The following DIAPH2 variants were observed in gnomAD, a reference collection of about 807,000 sequenced individuals.
The protein encoded by DIAPH2 is diaphanous related formin 2.
Under a neutral mutation model 92.7 loss-of-function variants are expected in DIAPH2, and 35 were observed. That is an observed-to-expected ratio of 0.38 (90% CI 0.29 to 0.50). The LOEUF (loss-of-function observed/expected upper bound fraction) is 0.50, where lower values mean the gene tolerates loss of function less well. DIAPH2 is among the 20% of genes least tolerant of loss of function. The pLI is 0.94. For synonymous variants in DIAPH2, 301 were observed against 280.4 expected, an observed-to-expected ratio of 1.07 and a Z score of -0.73; for missense variants, 701 against 819.5, an observed-to-expected ratio of 0.86 and a Z score of 1.77.
chrX:97,094,941 C>G (rs1432449702), intron 19 of DIAPH2, among the ~76,000 whole-genome samples: 1 of 109,811 alleles, frequency 9.1e-6, no homozygotes, highest in Non-Finnish European at 1.9e-5. Flanking sequence ...GATTTAAGAA[C>G]AGTAAACACA....
chrX:97,233,054 G>A (rs1030977311), intron 22 of DIAPH2, among the ~76,000 whole-genome samples: 1 of 112,164 alleles, frequency 8.9e-6, no homozygotes, highest in African/African-American at 3.2e-5. Context: ...ATACGTCTTT[G>A]TATTTGGTTG....
intron 10 of DIAPH2, among the ~76,000 whole-genome samples, chrX:96,931,816 C>A (rs1267127542): frequency 1.8e-5 from 2 of 110,768 alleles, no homozygotes; most frequent in African/African-American, 6.6e-5. Flanking sequence ...TGTGATTGGA[C>A]CTGTTAAATC....
intron 23 of DIAPH2, among the ~76,000 whole-genome samples, chrX:97,267,722 G>C (rs1443232175): frequency 1.8e-5 from 2 of 111,919 alleles, no homozygotes; most frequent in Admixed American, 1.9e-4. Flanking sequence ...GTCACAGCAT[G>C]TCAGTTTCTG....
In DIAPH2 at chrX:97,100,097, A is replaced by G. The variant is rs186076958; in HGVS notation, c.2349+302A>G. On this transcript the variant is annotated intron_variant, in intron 20 of 26. Coordinates refer to ENST00000324765, the MANE Select transcript of DIAPH2 (RefSeq NM_006729.5). The stretch of plus-strand genomic sequence containing the variant: ...TGCAAACAGTATACATTATTATTAT[A>G]TGGGCTATTTTTCTTTCCATTTAGA... Among the ~76,000 whole-genome samples, 498 of 111,226 alleles carry G rather than the reference A, an allele frequency of 4.5e-3. 2 individuals carry two copies. The highest frequency in any genetic ancestry group is 7.6e-3 in the Non-Finnish European group (402 of 52,995).
intron 23 of DIAPH2, among the ~76,000 whole-genome samples, chrX:97,298,265 A>C (rs5921774): frequency 0.021 from 2,144 of 101,689 alleles, 25 homozygotes; most frequent in Non-Finnish European, 0.032. Flanking sequence ...GCTGGCTAGA[A>C]CAGACACATG....
At chrX:96,941,065 G>A (rs914331374) in intron 12 of DIAPH2, among the ~76,000 whole-genome samples, 1 of 111,281 alleles carries the variant, frequency 9.0e-6, no homozygotes, top group Non-Finnish European at 1.9e-5. Flanking sequence ...AACCAGATTT[G>A]TAATATGTAT....
At chrX:97,303,500 T>C (rs1262565992) in intron 23 of DIAPH2, among the ~76,000 whole-genome samples, 2 of 112,031 alleles carry the variant, frequency 1.8e-5, no homozygotes, top group Admixed American at 9.6e-5. Flanking sequence ...GGTTATGATA[T>C]GTTGTTGTTT....
At chrX:97,105,526 G>A (rs949879863) in intron 20 of DIAPH2, among the ~76,000 whole-genome samples, 5 of 111,249 alleles carry the variant, frequency 4.5e-5, no homozygotes, top group African/African-American at 1.6e-4. Context: ...ACCTTTACTA[G>A]GGAAAAAAGC....
intron 1 of DIAPH2, among the ~76,000 whole-genome samples, chrX:96,731,496 AGAGT>A (rs1293231736): frequency 1.8e-5 from 2 of 112,154 alleles, no homozygotes; most frequent in Non-Finnish European, 1.9e-5. Flanking sequence ...CTGTGGTAGT[AGAGT>A]AATTGCACGA....
chrX:97,163,090 A>G (rs1281077282), intron 22 of DIAPH2, among the ~76,000 whole-genome samples: 3 of 111,442 alleles, frequency 2.7e-5, no homozygotes, highest in African/African-American at 6.5e-5. Context: ...TAGAGGTACC[A>G]TATGGGATGG....
intron 4 of DIAPH2, among the ~76,000 whole-genome samples, chrX:96,799,676 C>T (rs2064567144): frequency 1.8e-5 from 2 of 110,113 alleles, no homozygotes; most frequent in East Asian, 2.8e-4. Context: ...GGCATCGTGG[C>T]GCGTGCCTGT....
intron 24 of DIAPH2, among the ~76,000 whole-genome samples, chrX:97,377,987 A>C (rs1378043770): frequency 9.0e-6 from 1 of 110,909 alleles, no homozygotes; most frequent in African/African-American, 3.3e-5. Context: ...AAAACCCAGA[A>C]AACTTAAAAA....
chrX:97,570,118 ATATATT>A (rs1569426225), intron 26 of DIAPH2, among the ~76,000 whole-genome samples: 23 of 24,109 alleles, frequency 9.5e-4, no homozygotes, highest in Non-Finnish European at 1.2e-3. Flanking sequence ...ATATATATAT[ATATATT>A]AGAAGATAGA....
chrX:97,055,236 A>G (rs756232555), intron 17 of DIAPH2, among the ~76,000 whole-genome samples: 1 of 109,656 alleles, frequency 9.1e-6, no homozygotes, highest in African/African-American at 3.3e-5. Flanking sequence ...TTTTGCATTT[A>G]CATTGCTTGT....
intron 26 of DIAPH2, among the ~76,000 whole-genome samples, chrX:97,480,400 C>T (rs952367683): frequency 2.7e-5 from 3 of 111,411 alleles, no homozygotes; most frequent in Admixed American, 1.9e-4. Flanking sequence ...TTCTTGTGTC[C>T]AGAGCTGTGA....
Position 96,943,748 on chromosome X carries a change from G to A in DIAPH2, c.1444+1612G>A, listed in dbSNP as rs1044837277. On this transcript the variant is annotated intron_variant, in intron 13 of 26. Transcript: ENST00000324765. Reference sequence around the variant, plus strand: ...AAGTAGTATTCAGTATTCAACAGACGTTTGTTTTGTGTACTGTGTACCAGG... The same window carrying A: ...AAGTAGTATTCAGTATTCAACAGACATTTGTTTTGTGTACTGTGTACCAGG... 3.6e-5 allele frequency among the ~76,000 whole-genome samples: 4 copies of A among 111,042 alleles called. No homozygotes were observed. In the Admixed American group the frequency reaches 3.8e-4, roughly 11 times the overall value.
chrX:97,114,797 A>G lies in DIAPH2; in HGVS notation c.2421A>G (p.Ile807Met), dbSNP rs1156917689. The change falls in exon 21 of 27, where the codon ATA becomes ATG. Residue 807 changes from isoleucine (I) to methionine (M), a missense_variant. Ile to Met is a conservative substitution (Grantham distance 10). Coordinates refer to ENST00000324765, the MANE Select transcript of DIAPH2 (RefSeq NM_006729.5). ...ILFKLTFEEHINNIKPSIIAV... is the reference protein window; with the variant it reads ...ILFKLTFEEHMNNIKPSIIAV... ...TCAAGCTCACATTTGAAGAACACAT[A>G]AACAACATCAAACCAAGCATCATAG... 3.3e-6 allele frequency: 4 copies of G among 1,209,387 alleles called. No homozygotes were observed. Among genetic ancestry groups the G allele is most frequent in the African/African-American group, 3.5e-5 (2 of 57,193 alleles).
At chrX:96,976,776 A>G (rs2065964749) in intron 17 of DIAPH2, among the ~76,000 whole-genome samples, 1 of 111,231 alleles carries the variant, frequency 9.0e-6, no homozygotes. Context: ...TTCTATTAAT[A>G]TAATACCATC....
At chrX:96,807,313 G>A (rs1347163104) in intron 4 of DIAPH2, among the ~76,000 whole-genome samples, 2 of 111,326 alleles carry the variant, frequency 1.8e-5, no homozygotes, top group Non-Finnish European at 3.8e-5. Flanking sequence ...GATAAACTGA[G>A]GTACATGAAA....
Sources: allele counts gnomAD v4.1 joint callset (sites outside exome capture counted in the v4.1 genomes callset), GRCh38; gene constraint gnomAD v4.1.1; transcripts MANE v1.5; gene names NCBI Gene and HGNC (gene_info 2026-07-23, HGNC 2026-07-21).